Variants in DGKB observed in about 807,000 individuals in gnomAD.
DGKB encodes the protein diacylglycerol kinase beta.
In DGKB, 67 loss-of-function variants were observed where a neutral mutation model predicts 114.3. That is an observed-to-expected ratio of 0.59 (90% CI 0.48 to 0.72). The LOEUF (loss-of-function observed/expected upper bound fraction) is 0.72. Ranked by LOEUF, DGKB falls within the 30% of genes least tolerant of loss-of-function variation. DGKB has a pLI of 0.00. For missense variants in DGKB, 907 were observed against 975.2 expected (o/e 0.93, Z 0.93); for synonymous variants, 398 against 323.1 (o/e 1.23, Z -2.49).
At chr7:14,684,871 C>T (rs1312772300) in intron 10 of DGKB, among the ~76,000 whole-genome samples, 3 of 151,476 alleles carry the variant, frequency 2.0e-5, no homozygotes, top group Non-Finnish European at 4.4e-5. Context: ...ATAAGATGTT[C>T]ATGTGAATAA....
chr7:14,168,423 G>A (rs78889438), intron 25 of DGKB, among the ~76,000 whole-genome samples: 2,005 of 152,252 alleles, frequency 0.013, 126 homozygotes, highest in Admixed American at 0.1. Flanking sequence ...GAGATGTGCC[G>A]ATGTGGCAAA....
At chr7:14,699,656 A>G (rs961685450) in intron 7 of DGKB, among the ~76,000 whole-genome samples, 1 of 152,194 alleles carries the variant, frequency 6.6e-6, no homozygotes, top group Non-Finnish European at 1.5e-5. Flanking sequence ...CTACACCTTA[A>G]AGGTACCAAG....
intron 19 of DGKB, among the ~76,000 whole-genome samples, chr7:14,580,239 T>C (rs1337667336): frequency 6.6e-6 from 1 of 152,202 alleles, no homozygotes; most frequent in South Asian, 2.1e-4. Context: ...TGTGTCATTA[T>C]CTAGCTAGCA....
chr7:14,435,249 A>C (rs1246236171), intron 21 of DGKB, among the ~76,000 whole-genome samples: 1 of 152,156 alleles, frequency 6.6e-6, no homozygotes, highest in Non-Finnish European at 1.5e-5. Context: ...AAAGACTATA[A>C]TCACAACTAA....
rs77808739 is a variant in DGKB, at chr7:14,891,062, C to T, written c.-188+11530G>A. Among the ~76,000 whole-genome samples, 1,181 of 151,352 alleles carry T rather than the reference C, an allele frequency of 7.8e-3. 16 individuals are homozygous for T. Among genetic ancestry groups the T allele is most frequent in the East Asian group, 0.056 (289 of 5,130 alleles). ...CATAAAAGAGAGGAAAATATGGTAA[C>T]GTACAGGTACTTGTTCAGCATCAGT... On this transcript the variant is annotated intron_variant, in intron 1 of 25. Coordinates refer to ENST00000402815, the MANE Select transcript of DGKB (RefSeq NM_001350709.2).
chr7:14,216,728 A>G (rs1481133646), intron 23 of DGKB, among the ~76,000 whole-genome samples: 5 of 148,954 alleles, frequency 3.4e-5, no homozygotes, highest in African/African-American at 1.2e-4. Flanking sequence ...TCCGTCTCAA[A>G]AAAAAAAAAA....
At chr7:14,685,816 T>G (rs867284756) in intron 9 of DGKB, among the ~76,000 whole-genome samples, 35 of 152,306 alleles carry the variant, frequency 2.3e-4, no homozygotes, top group African/African-American at 7.2e-4. Context: ...ACAAAATTCA[T>G]GATGGTGATC....
At chr7:14,656,614 T>C (rs957821800) in intron 13 of DGKB, among the ~76,000 whole-genome samples, 2 of 151,482 alleles carry the variant, frequency 1.3e-5, no homozygotes, top group Admixed American at 6.6e-5. Flanking sequence ...TCATGTCTTA[T>C]GGGGCTTTTG....
intron 2 of DGKB, among the ~76,000 whole-genome samples, chr7:14,759,236 A>G (rs1835344878): frequency 6.6e-6 from 1 of 152,194 alleles, no homozygotes; most frequent in Admixed American, 6.5e-5. Flanking sequence ...GTGAAACAGT[A>G]CTTTTAAGTG....
intron 21 of DGKB, among the ~76,000 whole-genome samples, chr7:14,476,506 C>A (rs1782191211): frequency 1.3e-5 from 2 of 152,026 alleles, no homozygotes; most frequent in Admixed American, 1.3e-4. Flanking sequence ...ACAGTTGTCA[C>A]CACAACCACT....
At chr7:14,289,409 T>A (rs1247229175) in intron 23 of DGKB, among the ~76,000 whole-genome samples, 2 of 152,178 alleles carry the variant, frequency 1.3e-5, no homozygotes, top group Non-Finnish European at 2.9e-5. Flanking sequence ...ATTGGCAGTT[T>A]CTGAACAATA....
chr7:14,500,986 G>A (rs1439094412), intron 20 of DGKB, among the ~76,000 whole-genome samples: 1 of 151,784 alleles, frequency 6.6e-6, no homozygotes, highest in Non-Finnish European at 1.5e-5. Flanking sequence ...CAAGAATAAA[G>A]GAATTTAAAG....
chr7:14,515,635 C>T (rs1788671041), intron 20 of DGKB, among the ~76,000 whole-genome samples: 1 of 152,146 alleles, frequency 6.6e-6, no homozygotes, highest in African/African-American at 2.4e-5. Context: ...TTTAAGTGTT[C>T]AATACCAAAG....
chr7:14,885,570 G>A (rs547978996), intron 1 of DGKB, among the ~76,000 whole-genome samples: 206 of 151,888 alleles, frequency 1.4e-3, no homozygotes, highest in Non-Finnish European at 2.5e-3. Flanking sequence ...AAAATAAAAG[G>A]TGTGCTTCAT....
At chr7:14,150,025 G>T (rs1781954612) in intron 25 of DGKB, among the ~76,000 whole-genome samples, 1 of 152,098 alleles carries the variant, frequency 6.6e-6, no homozygotes, top group Non-Finnish European at 1.5e-5. Context: ...TATATGCTAT[G>T]CTCAAAGCTA....
intron 21 of DGKB, among the ~76,000 whole-genome samples, chr7:14,353,047 C>T (rs924212646): frequency 2.2e-4 from 33 of 152,142 alleles, no homozygotes; most frequent in African/African-American, 7.5e-4. Flanking sequence ...GCTGTTGTTA[C>T]GGATCATAGC....
intron 23 of DGKB, among the ~76,000 whole-genome samples, chr7:14,248,091 A>G (rs192141778): frequency 5.4e-4 from 82 of 152,158 alleles, no homozygotes; most frequent in African/African-American, 1.8e-3. Context: ...TCCCAACACC[A>G]TTTGTTGAGG....
chr7:14,701,246 T>C (rs1331571738), intron 7 of DGKB, among the ~76,000 whole-genome samples: 3 of 152,186 alleles, frequency 2.0e-5, no homozygotes, highest in African/African-American at 7.2e-5. Flanking sequence ...AGATACCATG[T>C]AAAACTGGGA....
intron 15 of DGKB, among the ~76,000 whole-genome samples, chr7:14,613,906 A>T (rs768142057): frequency 4.6e-5 from 7 of 152,064 alleles, no homozygotes; most frequent in African/African-American, 1.7e-4. Flanking sequence ...ACTCAATAAG[A>T]TCCTTTGAGG....
Sources: allele counts gnomAD v4.1 joint callset (sites outside exome capture counted in the v4.1 genomes callset), GRCh38; gene constraint gnomAD v4.1.1; transcripts MANE v1.5; gene names NCBI Gene and HGNC (gene_info 2026-07-23, HGNC 2026-07-21).